The following INTS2 variants were observed in gnomAD, a reference collection of about 807,000 sequenced individuals.
The protein encoded by INTS2 is integrator complex subunit 2.
In INTS2, 57 loss-of-function variants were observed where a neutral mutation model predicts 139.6. The ratio of observed to expected loss-of-function variants is 0.41; its 90% CI spans 0.33 to 0.51. The LOEUF (loss-of-function observed/expected upper bound fraction) is 0.51. INTS2 is among the 20% of genes least tolerant of loss of function. INTS2 has a pLI of 0.28. For synonymous variants in INTS2, 473 were observed against 493.4 expected, an observed-to-expected ratio of 0.96 and a Z score of 0.55; for missense variants, 1,196 against 1,436.7, an observed-to-expected ratio of 0.83 and a Z score of 2.71.
At chr17:61,878,945 A>AAAC (rs1555621258) in intron 17 of INTS2, among the ~76,000 whole-genome samples, 2 of 127,936 alleles carry the variant, frequency 1.6e-5, no homozygotes, top group African/African-American at 1.0e-4. Flanking sequence ...AAAAAAAAAA[A>AAAC]AAAAAAAAAC....
intron 7 of INTS2, chr17:61,910,028 T>C (rs2079510555): frequency 1.3e-5 from 2 of 152,220 alleles, no homozygotes. Flanking sequence ...ATGGCAGTTC[T>C]ACTCTAAGTT....
At chr17:61,912,387 G>T in intron 5 of INTS2, among the ~76,000 whole-genome samples, 1 of 15,032 alleles carries the variant, frequency 6.7e-5, no homozygotes, top group African/African-American at 1.2e-4. Flanking sequence ...GGGGGGGGGG[G>T]TGCGGGGCAT....
In INTS2 at chr17:61,866,785, C is replaced by A. The variant is rs1336283018; in HGVS notation, c.*772G>T. ...ATAAAAATAAATTTAAAACATAAAA[C>A]TAAATGAGATCTCTCAGGTTCTTCT... On this transcript the variant is annotated 3_prime_UTR_variant, in exon 25 of 25. Transcript: ENST00000251334. The A allele has an allele frequency of 6.6e-6, 1 of 152,130 alleles. No individual in the cohort carries two copies. Among genetic ancestry groups the A allele is most frequent in the East Asian group, 1.9e-4 (1 of 5,194 alleles). 9.4% of individuals were successfully genotyped at this position (152,130 alleles called of 1,614,324 possible). A position where few individuals can be genotyped will look rare whatever the true frequency, so the allele number is the denominator to read the frequency against.
chr17:61,878,601 T>C (rs927903042), intron 17 of INTS2, among the ~76,000 whole-genome samples: 2 of 151,458 alleles, frequency 1.3e-5, no homozygotes, highest in African/African-American at 4.9e-5. Context: ...GAAAAATTCA[T>C]GCAAGTGTAG....
Position 61,869,117 on chromosome 17 carries a change from G to A in INTS2, c.3161C>T (p.Ser1054Phe). The part of the protein sequence containing the change: ...EKQIFAIQLL[S>F]HLCIQYALPK... Reference sequence around the variant, plus strand: ...TAATGCATATTGTATACACAAGTGAGAAAGCAACTGGATAGCAAATATCTG... The same window carrying A: ...TAATGCATATTGTATACACAAGTGAAAAAGCAACTGGATAGCAAATATCTG... Residue 1054 changes from serine (S) to phenylalanine (F), a missense_variant, in exon 23 of 25, where the codon TCT (serine) becomes TTT (phenylalanine). Transcript: ENST00000251334. The surrounding 1 kb of genome is among the most constrained non-coding windows in gnomAD (Gnocchi z 5.4). The A allele has an allele frequency of 6.2e-7, 1 of 1,609,654 alleles. No homozygotes were observed. Among genetic ancestry groups the A allele is most frequent in the Non-Finnish European group, 8.5e-7 (1 of 1,176,418 alleles).
chr17:61,880,987 G>A lies in INTS2; in HGVS notation c.2254+20C>T, dbSNP rs1334668522. 2.5e-6 allele frequency: 4 copies of A among 1,591,140 alleles called. No individual in the cohort carries two copies. Among genetic ancestry groups the A allele is most frequent in the African/African-American group, 2.7e-5 (2 of 74,476 alleles). On this transcript the variant is annotated intron_variant, in intron 17 of 24. Transcript: ENST00000251334. ...TTGTACTACAAAAGGGGTTAAAGGA[G>A]TATCAATAATTTACTATACCTTCTT...
chr17:61,880,989 A>G lies in INTS2; in HGVS notation c.2254+18T>C. On this transcript the variant is annotated intron_variant, in intron 17 of 24. Transcript: ENST00000251334. ...GTACTACAAAAGGGGTTAAAGGAGT[A>G]TCAATAATTTACTATACCTTCTTGG... is the stretch of plus-strand genomic sequence containing the variant. 1.9e-6 allele frequency: 3 copies of G among 1,597,242 alleles called. No individual in the cohort carries two copies. Among genetic ancestry groups the G allele is most frequent in the Non-Finnish European group, 2.6e-6 (3 of 1,165,338 alleles).
chr17:61,872,966 TACTATCAAACACTGCTA>T lies in INTS2; in HGVS notation c.2583-523_2583-507del, dbSNP rs2079101004. Among the ~76,000 whole-genome samples, 1 of 152,202 alleles carries T rather than the reference TACTATCAAACACTGCTA, an allele frequency of 6.6e-6. No individual in the cohort carries two copies. The highest frequency in any genetic ancestry group is 1.5e-5 in the Non-Finnish European group (1 of 68,038). ...ATATCAAATAGTGCAGGAAAGTATA[TACTATCAAACACTGCTA>T]TGGAATGTAAACCAGTTCAGCCTTT... is the stretch of plus-strand genomic sequence containing the variant. On this transcript the variant is annotated intron_variant, in intron 19 of 24. Transcript: ENST00000251334. The surrounding 1 kb of genome is among the most constrained non-coding windows in gnomAD (Gnocchi z 4.8).
chr17:61,920,182 T>TC (rs982659609), intron 4 of INTS2, among the ~76,000 whole-genome samples: 1 of 146,566 alleles, frequency 6.8e-6, no homozygotes, highest in African/African-American at 2.5e-5. Flanking sequence ...CTTATTTGCT[T>TC]TTTTTTTTTT....
rs1021900074 is a variant in INTS2 at position 61,866,090 on chromosome 17, T to G, written c.*1467A>C. On this transcript the variant is annotated 3_prime_UTR_variant, in exon 25 of 25. Transcript: ENST00000251334. ...TTACAAGTGAAGCGGTCTGGCCAGG[T>G]GCGGTGGCTCACACCTGTAATCCCA... 1.3e-5 allele frequency: 2 copies of G among 152,156 alleles called. No homozygotes were observed. The highest frequency in any genetic ancestry group is 1.3e-4 in the Admixed American group (2 of 15,260). The allele number at this position is 152,156 out of a possible 1,614,324, so 9.4% of individuals were successfully genotyped here. A position where few individuals can be genotyped will look rare whatever the true frequency, so the allele number is the denominator to read the frequency against.
chr17:61,879,519 A>G (rs2079158808), intron 17 of INTS2, among the ~76,000 whole-genome samples: 1 of 152,142 alleles, frequency 6.6e-6, no homozygotes, highest in African/African-American at 2.4e-5. Context: ...GGGGGGTAAA[A>G]TATCTCATTA....
intron 16 of INTS2, among the ~76,000 whole-genome samples, chr17:61,881,426 G>T (rs147644305): frequency 2.0e-5 from 3 of 152,172 alleles, no homozygotes; most frequent in Non-Finnish European, 2.9e-5. Context: ...GCAAAACCCC[G>T]TATCTACTAA....
intron 9 of INTS2, among the ~76,000 whole-genome samples, chr17:61,900,755 C>G (rs1013513994): frequency 1.3e-5 from 2 of 151,942 alleles, no homozygotes; most frequent in African/African-American, 4.8e-5. Context: ...GTCAGGAGTT[C>G]GAGACCAGCC....
intron 5 of INTS2, among the ~76,000 whole-genome samples, chr17:61,917,740 T>C (rs2079597543): frequency 6.6e-6 from 1 of 152,116 alleles, no homozygotes; most frequent in Non-Finnish European, 1.5e-5. Flanking sequence ...AATATACCCA[T>C]GTAACAAACC....
chr17:61,904,010 T>C (rs867760593), intron 9 of INTS2, among the ~76,000 whole-genome samples: 4 of 152,146 alleles, frequency 2.6e-5, no homozygotes, highest in Middle Eastern at 3.4e-3. Flanking sequence ...CTAAGAAAGA[T>C]AAAATAGGAA....
In INTS2 at chr17:61,867,765, T is replaced by G; in HGVS notation, c.3422-39A>C. Reference sequence around the variant, plus strand: ...GAAAAAAAACATTAAGGCCAAGAAATTTGGAAAGGAATTTGGCCTTTTTGT... The same window carrying G: ...GAAAAAAAACATTAAGGCCAAGAAAGTTGGAAAGGAATTTGGCCTTTTTGT... On this transcript the variant is annotated intron_variant, in intron 24 of 24. Coordinates refer to ENST00000251334, the MANE Select transcript of INTS2 (RefSeq NM_001351695.2). This position sits in a 1 kb window ranked among gnomAD's most constrained non-coding sequence, Gnocchi z 5.6. 6.4e-7 allele frequency: 1 copy of G among 1,561,060 alleles called. No individual in the cohort carries two copies. Among genetic ancestry groups the G allele is most frequent in the Non-Finnish European group, 8.7e-7 (1 of 1,155,776 alleles).
At chr17:61,888,791 G>A (rs974743859) in intron 15 of INTS2, among the ~76,000 whole-genome samples, 14 of 152,214 alleles carry the variant, frequency 9.2e-5, no homozygotes, top group Admixed American at 3.3e-4. Context: ...TTGGGAGGCC[G>A]AGGCAGGCGG....
chr17:61,910,685 A>C (rs544908481), intron 7 of INTS2: 3 of 152,288 alleles, frequency 2.0e-5, no homozygotes, highest in Non-Finnish European at 2.9e-5. Flanking sequence ...ATACTTAAAA[A>C]TGATTAAATG....
intron 15 of INTS2, among the ~76,000 whole-genome samples, chr17:61,886,610 C>T (rs1477496079): frequency 6.6e-6 from 1 of 152,210 alleles, no homozygotes; most frequent in Non-Finnish European, 1.5e-5. Flanking sequence ...ATCCTCAGAT[C>T]ACACAGAGTA....
Sources: allele counts gnomAD v4.1 joint callset (sites outside exome capture counted in the v4.1 genomes callset), GRCh38; gene constraint gnomAD v4.1.1; non-coding constraint Gnocchi (gnomAD v3.1); transcripts MANE v1.5; gene names NCBI Gene and HGNC (gene_info 2026-07-23, HGNC 2026-07-21).